POPDC1: variants seen among roughly 807,000 people sequenced by gnomAD.
POPDC1 encodes the protein popeye domain cAMP effector 1.
the POPDC1 span, chr6:105,133,734 A>G: frequency 1.7e-6 from 1 of 593,514 alleles, no homozygotes; most frequent in South Asian, 2.4e-5. Context: ...TTCAAATCCA[A>G]CTCTGTCACA....
chr6:105,109,712 T>C, the POPDC1 span, among the ~76,000 whole-genome samples: 1 of 131,414 alleles, frequency 7.6e-6, no homozygotes, highest in Non-Finnish European at 1.5e-5. Context: ...TGCGGCGAGC[T>C]GTGATCATGC....
chr6:105,114,244 T>C, the POPDC1 span, among the ~76,000 whole-genome samples: 1 of 152,232 alleles, frequency 6.6e-6, no homozygotes, highest in African/African-American at 2.4e-5. Flanking sequence ...TTCTGTGCCA[T>C]GTAAAACCTG....
the POPDC1 span, among the ~76,000 whole-genome samples, chr6:105,107,775 T>C: frequency 6.3e-4 from 96 of 152,338 alleles, 1 homozygote; most frequent in African/African-American, 1.4e-3. Flanking sequence ...TGTACAATTT[T>C]TGAAGAATGG....
At chr6:105,129,264 G>C in the POPDC1 span, 1 of 940,848 alleles carries the variant, frequency 1.1e-6, no homozygotes, top group South Asian at 2.6e-5. Context: ...AAACTTCAGA[G>C]AAATTATATT....
chr6:105,125,188 T>G, the POPDC1 span, among the ~76,000 whole-genome samples: 1 of 152,194 alleles, frequency 6.6e-6, no homozygotes, highest in East Asian at 1.9e-4. Context: ...ACATCAAGAT[T>G]CAGAGCAGTA....
At chr6:105,127,947 A>G in the POPDC1 span, among the ~76,000 whole-genome samples, 16 of 152,266 alleles carry the variant, frequency 1.1e-4, no homozygotes, top group African/African-American at 3.9e-4. Flanking sequence ...TTTAGTAGAG[A>G]CAGGGTTTCG....
chr6:105,124,226 C>A, the POPDC1 span, among the ~76,000 whole-genome samples: 1 of 151,674 alleles, frequency 6.6e-6, no homozygotes, highest in African/African-American at 2.4e-5. Flanking sequence ...ACTAAAAATA[C>A]AAAAAATTAG....
the POPDC1 span, chr6:105,100,313 T>A: frequency 6.6e-6 from 1 of 151,850 alleles, no homozygotes; most frequent in Non-Finnish European, 1.5e-5. Context: ...ATCGAGACCA[T>A]CCTGGCTAAC....
At chr6:105,104,587 C>A in the POPDC1 span, among the ~76,000 whole-genome samples, 1 of 152,164 alleles carries the variant, frequency 6.6e-6, no homozygotes, top group African/African-American at 2.4e-5. Flanking sequence ...CACCAGCATT[C>A]CTCAAGCGCA....
At chr6:105,134,722 A>C in the POPDC1 span, among the ~76,000 whole-genome samples, 1 of 152,200 alleles carries the variant, frequency 6.6e-6, no homozygotes, top group Non-Finnish European at 1.5e-5. Flanking sequence ...AAGATGATAA[A>C]AAACAAGCAC....
At chr6:105,123,688 G>A in the POPDC1 span, among the ~76,000 whole-genome samples, 8 of 152,230 alleles carry the variant, frequency 5.3e-5, no homozygotes, top group South Asian at 2.1e-4. Context: ...CACCGTGCCC[G>A]GCTGGAGCAA....
At chr6:105,133,627 G>A in the POPDC1 span, 12 of 1,427,918 alleles carry the variant, frequency 8.4e-6, no homozygotes, top group African/African-American at 2.9e-5. Flanking sequence ...TCGTAAAAAT[G>A]GCAATTGTAT....
At chr6:105,097,446 A>C in the POPDC1 span, 2 of 152,274 alleles carry the variant, frequency 1.3e-5, no homozygotes, top group African/African-American at 4.8e-5. Context: ...GAAGAGGACG[A>C]CGCCACGCCC....
the POPDC1 span, among the ~76,000 whole-genome samples, chr6:105,135,087 A>G: frequency 2.0e-5 from 3 of 152,216 alleles, no homozygotes; most frequent in African/African-American, 7.2e-5. Flanking sequence ...TAGGTTAATA[A>G]TAACTATCAT....
chr6:105,111,477 G>A, the POPDC1 span, among the ~76,000 whole-genome samples: 1 of 152,148 alleles, frequency 6.6e-6, no homozygotes, highest in African/African-American at 2.4e-5. Flanking sequence ...GCACTAAAGC[G>A]TTCTCACACC....
the POPDC1 span, among the ~76,000 whole-genome samples, chr6:105,119,357 G>A: frequency 6.6e-6 from 1 of 152,106 alleles, no homozygotes; most frequent in Non-Finnish European, 1.5e-5. Flanking sequence ...TCCATCAAGA[G>A]CCCCTCATAC....
the POPDC1 span, chr6:105,115,535 TA>T: frequency 1.0e-6 from 1 of 986,930 alleles, no homozygotes; most frequent in Non-Finnish European, 1.5e-6. Flanking sequence ...GGGGAAATGC[TA>T]AACAAAATTT....
the POPDC1 span, chr6:105,096,887 C>T: frequency 1.3e-5 from 2 of 152,626 alleles, no homozygotes; most frequent in African/African-American, 2.4e-5. Flanking sequence ...CTATAAGGCT[C>T]TATCCAGACA....
chr6:105,124,619 G>C, the POPDC1 span: 19 of 1,612,394 alleles, frequency 1.2e-5, no homozygotes, highest in Non-Finnish European at 1.5e-5. Flanking sequence ...AGGGGTAAAT[G>C]TTATGCAGAA....
Sources: allele counts gnomAD v4.1 joint callset (sites outside exome capture counted in the v4.1 genomes callset), GRCh38; gene constraint gnomAD v4.1.1; transcripts MANE v1.5; gene names NCBI Gene and HGNC (gene_info 2026-07-23, HGNC 2026-07-21).